EIPR1: variants seen among roughly 807,000 people sequenced by gnomAD.
EIPR1 encodes the protein EARP and GARP complex-interacting protein 1.
EIPR1 carries 25 observed loss-of-function variants against 48.1 expected under a neutral mutation model. The observed-to-expected ratio is 0.52, with a 90% CI of 0.38 to 0.73. The LOEUF (loss-of-function observed/expected upper bound fraction) is 0.73. Among genes scored for constraint, EIPR1 ranks in the 30% least tolerant of loss-of-function variants. The pLI is 0.00. For missense variants in EIPR1, 415 were observed against 506.2 expected (o/e 0.82, Z 1.73); for synonymous variants, 204 against 201.9 (o/e 1.01, Z -0.09).
chr2:3,229,687 G>A (rs543596142), intron 4 of EIPR1, among the ~76,000 whole-genome samples: 87 of 152,322 alleles, frequency 5.7e-4, no homozygotes, highest in African/African-American at 1.8e-3. Context: ...CTGCAATGCT[G>A]ATGAATCCAC....
chr2:3,234,223 C>A (rs1294543873), intron 4 of EIPR1, among the ~76,000 whole-genome samples: 1 of 152,128 alleles, frequency 6.6e-6, no homozygotes, highest in African/African-American at 2.4e-5. Context: ...GTTTTTTTTA[C>A]CAATAAATTG....
chr2:3,206,579 T>C (rs1358227557), intron 5 of EIPR1, among the ~76,000 whole-genome samples: 1 of 152,244 alleles, frequency 6.6e-6, no homozygotes, highest in Non-Finnish European at 1.5e-5. Flanking sequence ...TCTAAAAGGA[T>C]TCTATTTGTA....
intron 2 of EIPR1, among the ~76,000 whole-genome samples, chr2:3,341,095 C>CA (rs55667121): frequency 0.075 from 1,655 of 21,938 alleles, 198 homozygotes; most frequent in Non-Finnish European, 0.12. Flanking sequence ...GATCCTGTCT[C>CA]AAAAAAAAAA....
intron 5 of EIPR1, chr2:3,208,327 A>C: frequency 1.3e-6 from 1 of 787,894 alleles, no homozygotes; most frequent in Non-Finnish European, 1.9e-6. Context: ...CTGGGCAGGC[A>C]GGAGCCACCG....
chr2:3,345,914 A>G (rs1327909224), intron 2 of EIPR1, among the ~76,000 whole-genome samples: 1 of 152,216 alleles, frequency 6.6e-6, no homozygotes, highest in African/African-American at 2.4e-5. Flanking sequence ...TGGTGCACAC[A>G]TATGACTTGC....
At chr2:3,318,594 G>A (rs1005217477) in intron 3 of EIPR1, among the ~76,000 whole-genome samples, 1 of 152,172 alleles carries the variant, frequency 6.6e-6, no homozygotes, top group African/African-American at 2.4e-5. Context: ...CCAGAGCCAT[G>A]CCTCATTTCC....
intron 3 of EIPR1, among the ~76,000 whole-genome samples, chr2:3,329,502 C>T (rs1316011153): frequency 2.6e-5 from 4 of 151,884 alleles, no homozygotes; most frequent in African/African-American, 7.2e-5. Context: ...TCAGAGCCCA[C>T]CCGCCACACT....
intron 3 of EIPR1, among the ~76,000 whole-genome samples, chr2:3,272,585 T>A (rs1267022232): frequency 6.6e-6 from 1 of 152,166 alleles, no homozygotes; most frequent in African/African-American, 2.4e-5. Flanking sequence ...AACACACATT[T>A]ACAGATTCAC....
chr2:3,289,696 G>A (rs1572401288), intron 3 of EIPR1, among the ~76,000 whole-genome samples: 2 of 152,286 alleles, frequency 1.3e-5, no homozygotes, highest in South Asian at 2.1e-4. Flanking sequence ...TCATCTCCCC[G>A]ACGCAGGCTC....
rs1157201596 is a variant in EIPR1 at position 3,299,039 on chromosome 2, G to GC, written c.259+38977dup. Among the ~76,000 whole-genome samples, 6 of 152,292 alleles carry GC rather than the reference G, an allele frequency of 3.9e-5. No individual in the cohort carries two copies. In the East Asian group the frequency reaches 1.2e-3, roughly 29 times the overall value. On this transcript the variant is annotated intron_variant, in intron 3 of 8. Transcript: ENST00000382125. ...TTAACAGCCCCACAGATACAGGAAA[G>GC]CCCCACCATAGCACTATTAATGAGG...
At chr2:3,213,932 T>C (rs1210317984) in intron 5 of EIPR1, among the ~76,000 whole-genome samples, 1 of 152,196 alleles carries the variant, frequency 6.6e-6, no homozygotes, top group Non-Finnish European at 1.5e-5. Flanking sequence ...ACATGTGCCG[T>C]GTTGGTGTGC....
chr2:3,212,654 G>A (rs954966317), intron 5 of EIPR1, among the ~76,000 whole-genome samples: 1 of 152,196 alleles, frequency 6.6e-6, no homozygotes, highest in African/African-American at 2.4e-5. Context: ...CCAGGACTCT[G>A]CCAAATCTCC....
chr2:3,235,515 C>T (rs1666380006), intron 4 of EIPR1, among the ~76,000 whole-genome samples: 1 of 152,146 alleles, frequency 6.6e-6, no homozygotes, highest in African/African-American at 2.4e-5. Flanking sequence ...GGCAAGTGCT[C>T]AAGTGGGCCA....
chr2:3,217,775 C>T (rs1229136062), intron 4 of EIPR1, among the ~76,000 whole-genome samples: 1 of 152,114 alleles, frequency 6.6e-6, no homozygotes, highest in Non-Finnish European at 1.5e-5. Context: ...CCGCATGGTA[C>T]CAGTCTGATA....
At chr2:3,370,053 C>G (rs139330852) in intron 1 of EIPR1, among the ~76,000 whole-genome samples, 1 of 152,156 alleles carries the variant, frequency 6.6e-6, no homozygotes, top group African/African-American at 2.4e-5. Context: ...TCCAGAGGAA[C>G]GATCATACAG....
At chr2:3,284,513 G>A (rs1668118035) in intron 3 of EIPR1, among the ~76,000 whole-genome samples, 1 of 152,290 alleles carries the variant, frequency 6.6e-6, no homozygotes, top group Non-Finnish European at 1.5e-5. Flanking sequence ...CTTGAGCAGT[G>A]TGCAGACCAC....
intron 1 of EIPR1, among the ~76,000 whole-genome samples, chr2:3,361,627 C>T (rs1670852101): frequency 6.6e-6 from 1 of 152,194 alleles, no homozygotes; most frequent in Non-Finnish European, 1.5e-5. Context: ...TCACCCTGTG[C>T]TGACCTGACC....
rs559697481 is a variant in EIPR1 at position 3,355,980 on chromosome 2, G to A, written c.43-1347C>T. Among the ~76,000 whole-genome samples the A allele has an allele frequency of 9.2e-5, 14 of 152,268 alleles. No individual in the cohort carries two copies. In the South Asian group the frequency reaches 1.0e-3, roughly 11 times the overall value. ...GGGAAGCAAGCTCTAAAGTTCTAAC[G>A]GTATCTAAAGGAGACTTACTAGCGA... On this transcript the variant is annotated intron_variant, in intron 1 of 8. Coordinates refer to ENST00000382125, the MANE Select transcript of EIPR1 (RefSeq NM_003310.5).
At position 3,228,857 on chromosome 2, in the gene EIPR1, G is replaced by A. The variant is rs369103185; in HGVS notation, c.417-14609C>T. 9.9e-5 allele frequency among the ~76,000 whole-genome samples: 15 copies of A among 152,206 alleles called. No individual in the cohort carries two copies. In the East Asian group the frequency reaches 1.2e-3, roughly 12 times the overall value. On this transcript the variant is annotated intron_variant, in intron 4 of 8. Coordinates refer to ENST00000382125, the MANE Select transcript of EIPR1 (RefSeq NM_003310.5). ...AAGAAGGTGCCTGCTTCTTCTTTGC[G>A]TTCCACCATGATTGTAAGTTTCCTG...
Sources: allele counts gnomAD v4.1 joint callset (sites outside exome capture counted in the v4.1 genomes callset), GRCh38; gene constraint gnomAD v4.1.1; transcripts MANE v1.5; gene names NCBI Gene and HGNC (gene_info 2026-07-23, HGNC 2026-07-21).